PDE11A: variants seen among roughly 807,000 people sequenced by gnomAD.
PDE11A encodes the protein phosphodiesterase 11A.
Under a neutral mutation model 100.5 loss-of-function variants are expected in PDE11A, and 100 were observed. The ratio of observed to expected loss-of-function variants is 1.00; its 90% CI spans 0.85 to 1.18. PDE11A has a LOEUF of 1.18. Among genes scored for constraint, PDE11A ranks in the 50% most tolerant of loss-of-function variants. The pLI is 0.00. For synonymous variants in PDE11A, 381 were observed against 420.8 expected (o/e 0.91, Z 1.16); for missense variants, 1,141 against 1,152.6 (o/e 0.99, Z 0.15).
At chr2:177,786,653 T>C (rs566324731) in intron 9 of PDE11A, among the ~76,000 whole-genome samples, 2 of 151,594 alleles carry the variant, frequency 1.3e-5, no homozygotes, top group Non-Finnish European at 3.0e-5. Context: ...AAATTTAGAC[T>C]AATGTATAAC....
In PDE11A at chr2:177,625,103, G is replaced by T. The variant is rs2079813664; in HGVS notation, c.*4304C>A. 6.6e-6 allele frequency: 1 copy of T among 152,612 alleles called. No homozygotes were observed. The highest frequency in any genetic ancestry group is 2.4e-5 in the African/African-American group (1 of 41,448). The allele number at this position is 152,612 out of a possible 1,614,324, so 9.5% of individuals were successfully genotyped here. On this transcript the variant is annotated 3_prime_UTR_variant, in exon 20 of 20. Coordinates refer to ENST00000286063, the MANE Select transcript of PDE11A (RefSeq NM_016953.4). Reference sequence around the variant, plus strand: ...GACATATCTTTTTTTAAATTGTATTGATGACTACATCTTTCATCATAATTA... The same window carrying T: ...GACATATCTTTTTTTAAATTGTATTTATGACTACATCTTTCATCATAATTA...
At chr2:177,922,472 C>T (rs547836813) in intron 2 of PDE11A, among the ~76,000 whole-genome samples, 1 of 151,876 alleles carries the variant, frequency 6.6e-6, no homozygotes, top group Non-Finnish European at 1.5e-5. Context: ...ATAACAACAA[C>T]AAAAAATAAT....
intron 2 of PDE11A, among the ~76,000 whole-genome samples, chr2:178,011,394 C>A (rs2086272664): frequency 6.6e-6 from 1 of 152,090 alleles, no homozygotes; most frequent in Non-Finnish European, 1.5e-5. Context: ...GTGGACTGGT[C>A]ATTGTCCATT....
intron 6 of PDE11A, among the ~76,000 whole-genome samples, chr2:177,831,643 A>G (rs917798147): frequency 2.0e-5 from 3 of 152,200 alleles, no homozygotes; most frequent in Non-Finnish European, 4.4e-5. Flanking sequence ...AGAATTCACA[A>G]TATGGTCCAT....
At chr2:177,794,064 G>C (rs1348066138) in intron 9 of PDE11A, among the ~76,000 whole-genome samples, 2 of 152,166 alleles carry the variant, frequency 1.3e-5, no homozygotes, top group Non-Finnish European at 2.9e-5. Flanking sequence ...ATCTAGAGTG[G>C]AGAGAGTGGA....
At chr2:177,832,200 G>A (rs2083321642) in intron 6 of PDE11A, among the ~76,000 whole-genome samples, 1 of 152,192 alleles carries the variant, frequency 6.6e-6, no homozygotes, top group Non-Finnish European at 1.5e-5. Flanking sequence ...AACTTGATTG[G>A]ATTCCAGGAT....
intron 17 of PDE11A, among the ~76,000 whole-genome samples, chr2:177,673,207 T>C (rs2080712064): frequency 6.6e-6 from 1 of 152,170 alleles, no homozygotes; most frequent in Admixed American, 6.5e-5. Context: ...CAAGAGAGTT[T>C]TGGTGCCAAA....
At chr2:177,934,520 C>T (rs1042363190) in intron 2 of PDE11A, among the ~76,000 whole-genome samples, 4 of 152,162 alleles carry the variant, frequency 2.6e-5, no homozygotes, top group African/African-American at 9.7e-5. Context: ...AAGGAGAATG[C>T]TCATACACTG....
intron 9 of PDE11A, among the ~76,000 whole-genome samples, chr2:177,809,576 CTT>C (rs2082918256): frequency 7.0e-6 from 1 of 141,980 alleles, no homozygotes; most frequent in Non-Finnish European, 1.6e-5. Context: ...AATCCTAAGA[CTT>C]TGCCCTTTCA....
chr2:177,656,154 T>TACATA (rs1482194733), intron 19 of PDE11A, among the ~76,000 whole-genome samples: 5 of 152,232 alleles, frequency 3.3e-5, no homozygotes, highest in Non-Finnish European at 7.3e-5. Context: ...AAAGGTTTTA[T>TACATA]ACATAGTCAT....
intron 1 of PDE11A, 119 bp downstream of exon 1, chr2:178,071,407 A>G: frequency 7.9e-7 from 1 of 1,267,064 alleles, no homozygotes; most frequent in Non-Finnish European, 1.1e-6. Context: ...GAATTTAAAT[A>G]GCAAAATTTG....
chr2:177,852,684 T>C (rs2083735585), intron 5 of PDE11A, among the ~76,000 whole-genome samples: 1 of 152,212 alleles, frequency 6.6e-6, no homozygotes, highest in Non-Finnish European at 1.5e-5. Context: ...ATGGCTTAAG[T>C]ATATCTTTGA....
intron 14 of PDE11A, among the ~76,000 whole-genome samples, chr2:177,698,081 G>A (rs532607518): frequency 2.0e-5 from 3 of 152,258 alleles, no homozygotes; most frequent in East Asian, 1.9e-4. Context: ...GGCCCAACAC[G>A]TCACTGCTGC....
intron 10 of PDE11A, among the ~76,000 whole-genome samples, chr2:177,747,666 C>G (rs1559171395): frequency 6.6e-6 from 1 of 152,230 alleles, no homozygotes; most frequent in Non-Finnish European, 1.5e-5. Context: ...GGATCCAATG[C>G]TGAAGTTTCC....
intron 12 of PDE11A, among the ~76,000 whole-genome samples, chr2:177,726,093 T>C (rs2081596169): frequency 6.6e-6 from 1 of 152,116 alleles, no homozygotes; most frequent in East Asian, 1.9e-4. Flanking sequence ...GATTTTTTTT[T>C]TCCAAGCAAT....
chr2:177,810,076 A>G (rs1205886840), intron 9 of PDE11A, among the ~76,000 whole-genome samples: 1 of 148,954 alleles, frequency 6.7e-6, no homozygotes, highest in Non-Finnish European at 1.5e-5. Flanking sequence ...ATCCTCCCCA[A>G]ATAAAAGCGC....
Position 177,955,248 on chromosome 2 carries a change from T to G in PDE11A, c.1072-50061A>C, listed in dbSNP as rs561142084. Among the ~76,000 whole-genome samples the G allele has an allele frequency of 1.4e-4, 21 of 152,336 alleles. No individual in the cohort carries two copies. In the South Asian group the frequency reaches 4.1e-3, roughly 30 times the overall value. On this transcript the variant is annotated intron_variant, in intron 2 of 19. Transcript: ENST00000286063. ...TTATGGTTTTATAGCCTGGAATGGC[T>G]AACTTGTTTGTTTGTTTCCTGAGAA... is the stretch of plus-strand genomic sequence containing the variant.
intron 1 of PDE11A, among the ~76,000 whole-genome samples, chr2:178,058,762 T>C (rs2086930232): frequency 6.6e-6 from 1 of 152,014 alleles, no homozygotes; most frequent in South Asian, 2.1e-4. Flanking sequence ...GAGCTCACAG[T>C]CTAATGGAGA....
intron 5 of PDE11A, among the ~76,000 whole-genome samples, chr2:177,853,795 T>C (rs1284601364): frequency 1.4e-5 from 2 of 141,974 alleles, no homozygotes; most frequent in Non-Finnish European, 3.0e-5. Context: ...TATAGATATA[T>C]ATGTATATAT....
Sources: allele counts gnomAD v4.1 joint callset (sites outside exome capture counted in the v4.1 genomes callset), GRCh38; gene constraint gnomAD v4.1.1; transcripts MANE v1.5; gene names NCBI Gene and HGNC (gene_info 2026-07-23, HGNC 2026-07-21).